Variants in GLIS3 observed in about 807,000 individuals in gnomAD.
GLIS3 encodes the protein GLIS family zinc finger 3.
Under a neutral mutation model 78.6 loss-of-function variants are expected in GLIS3, and 53 were observed. The ratio of observed to expected loss-of-function variants is 0.67; its 90% CI spans 0.54 to 0.85. The LOEUF (loss-of-function observed/expected upper bound fraction) is 0.85. Ranked by LOEUF, GLIS3 falls within the 40% of genes least tolerant of loss-of-function variation. The pLI, the probability that GLIS3 is intolerant of heterozygous loss-of-function variation, is 0.00. For missense variants in GLIS3, 1,703 were observed against 1,231.1 expected (o/e 1.38, Z -5.74); for synonymous variants, 684 against 509.9 (o/e 1.34, Z -4.60).
chr9:4,426,071 A>G, the GLIS3 span, among the ~76,000 whole-genome samples: 2 of 152,186 alleles, frequency 1.3e-5, no homozygotes, highest in South Asian at 4.2e-4. Flanking sequence ...TTGGCCCACA[A>G]TTTCCTGAGG....
At chr9:4,333,736 C>CT (rs1491549533) in intron 2 of GLIS3, among the ~76,000 whole-genome samples, 1 of 119,472 alleles carries the variant, frequency 8.4e-6, no homozygotes, top group Admixed American at 8.5e-5. Context: ...CAATGTGATG[C>CT]CCCCCCCCAC....
upstream of GLIS3, among the ~76,000 whole-genome samples, chr9:4,351,880 A>C (rs1242685669): frequency 2.0e-5 from 3 of 152,172 alleles, no homozygotes; most frequent in African/African-American, 7.2e-5. Flanking sequence ...AAAAAAATGC[A>C]CACAGGATTC....
At chr9:4,285,064 C>G (rs1449011039) in intron 2 of GLIS3, among the ~76,000 whole-genome samples, 2 of 152,134 alleles carry the variant, frequency 1.3e-5, no homozygotes, top group Non-Finnish European at 2.9e-5. Flanking sequence ...AATCATTATT[C>G]ACCTTAATTA....
chr9:4,017,609 G>C (rs1822543036), intron 4 of GLIS3, among the ~76,000 whole-genome samples: 1 of 152,174 alleles, frequency 6.6e-6, no homozygotes, highest in African/African-American at 2.4e-5. Flanking sequence ...GGCTGTGAAA[G>C]GTGGCGAGGG....
Position 4,265,963 on chromosome 9 carries a change from G to C in GLIS3, c.388+20075C>G, listed in dbSNP as rs188876752. ...AGACGGAGTCTCACTCTATCGCCCA[G>C]GCTGGAGTGCAGTGACATGATCTCG... On this transcript the variant is annotated intron_variant, in intron 2 of 10. Coordinates refer to ENST00000381971, the MANE Select transcript of GLIS3 (RefSeq NM_001042413.2). Among the ~76,000 whole-genome samples the C allele has an allele frequency of 2.5e-3, 380 of 150,566 alleles. 2 individuals carry two copies. Among genetic ancestry groups the C allele is most frequent in the African/African-American group, 8.7e-3 (355 of 41,016 alleles).
At chr9:4,025,340 A>G (rs1478291261) in intron 4 of GLIS3, among the ~76,000 whole-genome samples, 1 of 152,156 alleles carries the variant, frequency 6.6e-6, no homozygotes. Context: ...TAAAGCCTCT[A>G]GATATCAGAC....
intron 2 of GLIS3, among the ~76,000 whole-genome samples, chr9:4,227,372 G>A (rs1483627895): frequency 6.6e-6 from 1 of 150,592 alleles, no homozygotes; most frequent in African/African-American, 2.4e-5. Flanking sequence ...GGAAAATTAA[G>A]AAAAGCTACC....
chr9:4,012,460 A>C (rs919066357), intron 4 of GLIS3, among the ~76,000 whole-genome samples: 1 of 152,206 alleles, frequency 6.6e-6, no homozygotes, highest in African/African-American at 2.4e-5. Flanking sequence ...CACAAAAAAA[A>C]CAGTCAATGA....
chr9:4,399,773 T>C, the GLIS3 span, among the ~76,000 whole-genome samples: 1 of 152,166 alleles, frequency 6.6e-6, no homozygotes, highest in Non-Finnish European at 1.5e-5. Flanking sequence ...TGTGGGATGC[T>C]ATGAGCAGCT....
chr9:4,424,898 G>C, the GLIS3 span, among the ~76,000 whole-genome samples: 1 of 151,578 alleles, frequency 6.6e-6, no homozygotes, highest in African/African-American at 2.4e-5. Context: ...CTGATGAAAA[G>C]AATACACTGG....
At chr9:4,290,452 C>A (rs570559833) in intron 1 of GLIS3, among the ~76,000 whole-genome samples, 9 of 152,196 alleles carry the variant, frequency 5.9e-5, no homozygotes, top group African/African-American at 2.2e-4. Context: ...GCCTTTTCAA[C>A]ATCGCTGCCT....
intron 2 of GLIS3, among the ~76,000 whole-genome samples, chr9:4,133,799 C>T (rs806060): frequency 0.038 from 5,744 of 151,016 alleles, 124 homozygotes; most frequent in Admixed American, 0.072. Flanking sequence ...AAACAGCATG[C>T]TGATGCCTTC....
chr9:3,854,977 T>C (rs1324833873), intron 9 of GLIS3, among the ~76,000 whole-genome samples: 1 of 152,214 alleles, frequency 6.6e-6, no homozygotes, highest in African/African-American at 2.4e-5. Flanking sequence ...ATTTCAAGTA[T>C]AACTCATACA....
chr9:3,925,300 C>G (rs1473645028), intron 6 of GLIS3, among the ~76,000 whole-genome samples: 1 of 152,168 alleles, frequency 6.6e-6, no homozygotes, highest in Non-Finnish European at 1.5e-5. Flanking sequence ...AAGCTGGCAT[C>G]TCCCGGTGTG....
intron 4 of GLIS3, among the ~76,000 whole-genome samples, chr9:3,956,699 C>T (rs939479754): frequency 6.6e-6 from 1 of 152,122 alleles, no homozygotes; most frequent in African/African-American, 2.4e-5. Context: ...TTCCTCCTTT[C>T]ATTACCGAAG....
chr9:3,883,552 C>T (rs769696429), intron 7 of GLIS3, among the ~76,000 whole-genome samples: 8 of 152,304 alleles, frequency 5.3e-5, no homozygotes, highest in South Asian at 2.1e-4. Context: ...CCAAACTCAA[C>T]GAATAGGGCA....
chr9:4,160,364 G>A (rs1983753), intron 2 of GLIS3, among the ~76,000 whole-genome samples: 119,992 of 152,226 alleles, frequency 0.79, 48,533 homozygotes, highest in East Asian at 0.99. Context: ...TGGGAAATAG[G>A]AACTCGCCGG....
intron 4 of GLIS3, among the ~76,000 whole-genome samples, chr9:3,972,361 T>C (rs1348845407): frequency 6.6e-6 from 1 of 152,176 alleles, no homozygotes; most frequent in Admixed American, 6.5e-5. Flanking sequence ...ATTGGTTATC[T>C]CTGGATCCTA....
intron 2 of GLIS3, among the ~76,000 whole-genome samples, chr9:4,312,657 G>A (rs969599836): frequency 2.6e-5 from 4 of 152,160 alleles, no homozygotes; most frequent in African/African-American, 9.7e-5. Flanking sequence ...ACCTGACTAT[G>A]CTGTTACCTT....
Sources: allele counts gnomAD v4.1 joint callset (sites outside exome capture counted in the v4.1 genomes callset), GRCh38; gene constraint gnomAD v4.1.1; transcripts MANE v1.5; gene names NCBI Gene and HGNC (gene_info 2026-07-23, HGNC 2026-07-21).